The following DIP2A variants were observed in gnomAD, a reference collection of about 807,000 sequenced individuals.
DIP2A encodes the protein DIP2 acetate--CoA ligase A.
Under a neutral mutation model 177.4 loss-of-function variants are expected in DIP2A, and 85 were observed. That is an observed-to-expected ratio of 0.48 (90% confidence interval 0.40 to 0.57). DIP2A has a LOEUF of 0.57. Among genes scored for constraint, DIP2A ranks in the 20% least tolerant of loss-of-function variants. The pLI, the probability that DIP2A is intolerant of heterozygous loss-of-function variation, is 0.00. For missense variants in DIP2A, 1,791 were observed against 2,100.2 expected, an observed-to-expected ratio of 0.85 and a Z score of 2.88; for synonymous variants, 886 against 881.8, an observed-to-expected ratio of 1.00 and a Z score of -0.08.
In DIP2A at chr21:46,546,908, C is replaced by G. The variant is rs1425965888; in HGVS notation, c.2395-7C>G. On this transcript the variant is annotated splice_polypyrimidine_tract_variant and splice_region_variant and intron_variant, in intron 20 of 37. Transcript: ENST00000417564. ...GGTGGAGTCTTGACGCACACCCTTT[C>G]CCTCAGGACAACCTGGTCTTCATCG... The G allele has an allele frequency of 6.2e-7, 1 of 1,612,826 alleles. No homozygotes were observed. The highest frequency in any genetic ancestry group is 8.5e-7 in the Non-Finnish European group (1 of 1,179,658).
rs1568987126 is a variant in DIP2A, at chr21:46,503,616, CTTTCTTT to C, written c.656-744_656-738del. ...CCTTCCTTCCTTCCTTCCTTCCTTT[CTTTCTTT>C]CTTTCTTTCTTTCCTTTCTTTCTTT... On this transcript the variant is annotated intron_variant, in intron 5 of 37. Coordinates refer to ENST00000417564, the MANE Select transcript of DIP2A (RefSeq NM_015151.4). 6.6e-3 allele frequency among the ~76,000 whole-genome samples: 519 copies of C among 78,052 alleles called. 6 individuals carry two copies. The highest frequency in any genetic ancestry group is 0.012 in the African/African-American group (283 of 23,760). 51.2% of individuals were successfully genotyped at this position (78,052 alleles called of 152,430 possible). A position where few individuals can be genotyped will look rare whatever the true frequency, so the allele number is the denominator to read the frequency against.
intron 3 of DIP2A, 61 bp downstream of exon 3, chr21:46,490,780 C>A: frequency 6.8e-7 from 1 of 1,476,242 alleles, no homozygotes. Flanking sequence ...GGACTCTTGC[C>A]ATGAAGTCTT....
chr21:46,481,099 C>T (rs999018184), intron 1 of DIP2A, among the ~76,000 whole-genome samples: 1 of 152,240 alleles, frequency 6.6e-6, no homozygotes, highest in Middle Eastern at 3.4e-3. Flanking sequence ...AGAACAGCAC[C>T]ATCATCCCCA....
intron 28 of DIP2A, 114 bp downstream of exon 28, chr21:46,555,047 A>G (rs2060414187): frequency 8.9e-7 from 1 of 1,123,778 alleles, no homozygotes. Flanking sequence ...TCCTGGCAGG[A>G]GCCTGGCTGA....
At chr21:46,505,389 A>C (rs1255434803) in intron 6 of DIP2A, among the ~76,000 whole-genome samples, 1 of 152,138 alleles carries the variant, frequency 6.6e-6, no homozygotes, top group East Asian at 1.9e-4. Context: ...CGGGCAGATC[A>C]CTAGGTCAGG....
At chr21:46,470,542 GT>G (rs1247959485) in intron 1 of DIP2A, among the ~76,000 whole-genome samples, 2 of 151,992 alleles carry the variant, frequency 1.3e-5, no homozygotes, top group African/African-American at 4.8e-5. Context: ...GGAGGCCGAG[GT>G]GGGCGGATCA....
chr21:46,549,016 C>T (rs914510453), intron 21 of DIP2A, among the ~76,000 whole-genome samples: 3 of 152,152 alleles, frequency 2.0e-5, no homozygotes, highest in Admixed American at 1.3e-4. Context: ...CACAGAGGTC[C>T]GTACTGAAAA....
At position 46,515,066 on chromosome 21, in the gene DIP2A, C is replaced by T. The variant is rs184810771; in HGVS notation, c.1102+3452C>T. On this transcript the variant is annotated intron_variant, in intron 8 of 37. Transcript: ENST00000417564. ...GCCAATAAGTTGTTTAGGATTTTTA[C>T]GTCTGTTTTCATTAGAAAAATTGAT... 1.1e-4 allele frequency among the ~76,000 whole-genome samples: 17 copies of T among 152,286 alleles called. No individual in the cohort carries two copies. The East Asian group carries it at 1.7e-3, about 16-fold the overall frequency.
intron 34 of DIP2A, among the ~76,000 whole-genome samples, chr21:46,562,363 CCA>C (rs1003703070): frequency 2.0e-5 from 3 of 152,208 alleles, no homozygotes; most frequent in African/African-American, 4.8e-5. Flanking sequence ...GGAGGAAAAG[CCA>C]CACAGCCCAG....
chr21:46,509,204 C>T, intron 6 of DIP2A, 53 bp from the exon 7 acceptor site: 1 of 1,549,260 alleles, frequency 6.5e-7, no homozygotes, highest in Non-Finnish European at 8.7e-7. Context: ...CACCTGTGTC[C>T]ACTTCTTCAG....
At chr21:46,485,443 A>G (rs917612222) in intron 2 of DIP2A, among the ~76,000 whole-genome samples, 54 of 152,334 alleles carry the variant, frequency 3.5e-4, no homozygotes, top group African/African-American at 1.2e-3. Context: ...GACTTTGCAC[A>G]TGGGAATGGT....
chr21:46,556,836 G>A lies in DIP2A; in HGVS notation c.3499-103G>A, dbSNP rs1008285923. The A allele has an allele frequency of 1.3e-5, 13 of 1,020,946 alleles. No individual in the cohort carries two copies. Among genetic ancestry groups the A allele is most frequent in the Middle Eastern group, 6.4e-4 (2 of 3,104 alleles). The allele number at this position is 1,020,946 out of a possible 1,614,324, so 63.2% of individuals were successfully genotyped here. A position where few individuals can be genotyped will look rare whatever the true frequency, so the allele number is the denominator to read the frequency against. ...AAATAAATATGATGTTTGGTAGTTC[G>A]GAGCTATGGTCTAGCCATGTGAACA... On this transcript the variant is annotated intron_variant, in intron 29 of 37. Coordinates refer to ENST00000417564, the MANE Select transcript of DIP2A (RefSeq NM_015151.4). The surrounding 1 kb of genome is among the most constrained non-coding windows in gnomAD (Gnocchi z 4.5).
At chr21:46,468,024 G>A (rs2054994544) in intron 1 of DIP2A, among the ~76,000 whole-genome samples, 1 of 152,004 alleles carries the variant, frequency 6.6e-6, no homozygotes, top group African/African-American at 2.4e-5. Context: ...AGCAGTTTGG[G>A]AGGCCGAGGT....
chr21:46,552,015 AG>A, intron 25 of DIP2A, 111 bp downstream of exon 25: 1 of 1,297,662 alleles, frequency 7.7e-7, no homozygotes, highest in Admixed American at 2.0e-5. Flanking sequence ...TTTAGAGAAC[AG>A]GGTGCCTGTG....
At position 46,550,854 on chromosome 21, in the gene DIP2A, T is replaced by C. The variant is rs906560588; in HGVS notation, c.2839+110T>C. ...CTCCAGTGCCAACTGCCCACGTCTT[T>C]GGGGCTGGGGTCAAGAGCCAGAGCG... On this transcript the variant is annotated intron_variant, in intron 23 of 37. Coordinates refer to ENST00000417564, the MANE Select transcript of DIP2A (RefSeq NM_015151.4). 9 of 1,139,204 alleles carry C rather than the reference T, an allele frequency of 7.9e-6. No individual in the cohort carries two copies. In the African/African-American group the frequency reaches 1.4e-4, roughly 18 times the overall value. The allele number at this position is 1,139,204 out of a possible 1,614,324, so 70.6% of individuals were successfully genotyped here.
chr21:46,534,717 C>G (rs1461061348), intron 13 of DIP2A, 30 bp downstream of exon 13: 6 of 1,578,506 alleles, frequency 3.8e-6, no homozygotes, highest in Middle Eastern at 3.3e-4. Flanking sequence ...GGGCGGTGGC[C>G]CCTCCAGCCT....
chr21:46,553,037 C>A, intron 25 of DIP2A: 1 of 152,480 alleles, frequency 6.6e-6, no homozygotes. Context: ...TGGTGGGGGC[C>A]AGGTGGTCCC....
chr21:46,506,799 C>T (rs1206965766), intron 6 of DIP2A, among the ~76,000 whole-genome samples: 12 of 73,914 alleles, frequency 1.6e-4, no homozygotes, highest in South Asian at 3.9e-4. Flanking sequence ...TTCTTTCTTT[C>T]TTCTCTTTTT....
Position 46,554,928 on chromosome 21 carries a change from A to G in DIP2A, c.3383A>G (p.Asp1128Gly), listed in dbSNP as rs2060409138. 1.3e-6 allele frequency: 2 copies of G among 1,551,812 alleles called. No individual in the cohort carries two copies. The highest frequency in any genetic ancestry group is 1.4e-5 in the African/African-American group (1 of 73,180). ...VDIRTWPTIL[D>G]TDDIPKKKIA... ...ATCAGGACCTGGCCCACCATCCTAG[A>G]CACAGGTGCGTGTCCTCGCACTGCC... The change falls in exon 28 of 38, where the codon GAC becomes GGC. Residue 1128 changes from aspartate to glycine, a missense_variant. Transcript: ENST00000417564.
Sources: gnomAD v4.1 joint callset for allele counts (sites outside exome capture counted in the v4.1 genomes callset) on GRCh38, gnomAD v4.1.1 for gene constraint, Gnocchi (gnomAD v3.1) non-coding constraint, MANE v1.5 for transcripts, NCBI Gene and HGNC (gene_info 2026-07-23, HGNC 2026-07-21) for gene names.